Variants in VPS4B observed in about 807,000 individuals in gnomAD.
VPS4B encodes the protein vacuolar protein sorting-associated protein 4B.
A neutral mutation model predicts 56.1 loss-of-function variants in VPS4B; 23 were observed. That is an observed-to-expected ratio of 0.41 (90% CI 0.30 to 0.58). VPS4B has a LOEUF of 0.58. Ranked by LOEUF, VPS4B falls within the 20% of genes least tolerant of loss-of-function variation. The probability of loss-of-function intolerance (pLI) is 0.29; values close to 1 mark genes in which losing one functional copy is unlikely to be tolerated. For missense variants in VPS4B, 372 were observed against 531.9 expected, an observed-to-expected ratio of 0.70 and a Z score of 2.96; for synonymous variants, 177 against 186.0, an observed-to-expected ratio of 0.95 and a Z score of 0.39.
intron 10 of VPS4B, among the ~76,000 whole-genome samples, chr18:63,393,125 G>A (rs1383825824): frequency 6.6e-6 from 1 of 152,160 alleles, no homozygotes; most frequent in African/African-American, 2.4e-5. Flanking sequence ...TACTATATAT[G>A]AGCATTTTGG....
chr18:63,398,883 T>C (rs1248404026), intron 8 of VPS4B, among the ~76,000 whole-genome samples: 1 of 152,054 alleles, frequency 6.6e-6, no homozygotes, highest in Non-Finnish European at 1.5e-5. Context: ...ACTTATAGAA[T>C]TGCCATTTTG....
chr18:63,412,734 C>A (rs911141165), intron 1 of VPS4B, among the ~76,000 whole-genome samples: 5 of 152,098 alleles, frequency 3.3e-5, no homozygotes, highest in African/African-American at 1.2e-4. Context: ...ACTATGTCGA[C>A]CAAGCTAGCC....
At chr18:63,411,655 GTTTT>G in intron 1 of VPS4B, 77 bp from the exon 2 acceptor site, 1 of 751,676 alleles carries the variant, frequency 1.3e-6, no homozygotes, top group Non-Finnish European at 1.8e-6. Flanking sequence ...CATACTGAAA[GTTTT>G]TTTTTTTTTT....
rs1915746388 is a variant in VPS4B at position 63,398,852 on chromosome 18, T to G, written c.872+390A>C. Among the ~76,000 whole-genome samples the G allele has an allele frequency of 2.0e-5, 3 of 151,814 alleles. No homozygotes were observed. In the South Asian group the frequency reaches 6.2e-4, roughly 31 times the overall value. ...CCGACTCAAAAAAAAAAAAAAAATC[T>G]TACCTGGTTATCTTATTTTGACTTA... is the stretch of plus-strand genomic sequence containing the variant. On this transcript the variant is annotated intron_variant, in intron 8 of 10. Coordinates refer to ENST00000238497, the MANE Select transcript of VPS4B (RefSeq NM_004869.4).
chr18:63,389,914 AT>A lies in VPS4B; in HGVS notation c.*1060del, dbSNP rs994437393. The A allele has an allele frequency of 3.0e-4, 46 of 152,768 alleles. No homozygotes were observed. Among genetic ancestry groups the A allele is most frequent in the African/African-American group, 1.0e-3 (43 of 41,578 alleles). 9.5% of individuals were successfully genotyped at this position (152,768 alleles called of 1,614,324 possible). A position where few individuals can be genotyped will look rare whatever the true frequency, so the allele number is the denominator to read the frequency against. The stretch of plus-strand genomic sequence containing the variant: ...ACACACCTACCACCTGTTTTGGTCA[AT>A]CTTGCTAAAAAAGACACTGAAATAG... On this transcript the variant is annotated 3_prime_UTR_variant, in exon 11 of 11. Coordinates refer to ENST00000238497, the MANE Select transcript of VPS4B (RefSeq NM_004869.4).
intron 1 of VPS4B, among the ~76,000 whole-genome samples, chr18:63,413,125 A>C (rs1916082615): frequency 6.6e-6 from 1 of 152,178 alleles, no homozygotes; most frequent in Non-Finnish European, 1.5e-5. Context: ...CACACATAAA[A>C]ACACATAAGG....
rs373876300 is a variant in VPS4B, at chr18:63,405,824, C to CA, written c.364+1607dup. On this transcript the variant is annotated intron_variant, in intron 4 of 10. Coordinates refer to ENST00000238497, the MANE Select transcript of VPS4B (RefSeq NM_004869.4). The stretch of plus-strand genomic sequence containing the variant: ...ACAAACAAACAAACAAACAAACAAA[C>CA]AAAAAAAAAAACTTAGCCGGGCATG... 2.7e-3 allele frequency among the ~76,000 whole-genome samples: 387 copies of CA among 142,808 alleles called. 2 individuals are homozygous for CA. Among genetic ancestry groups the CA allele is most frequent in the African/African-American group, 8.0e-3 (319 of 39,818 alleles). The allele number at this position is 142,808 out of a possible 152,430, so 93.7% of individuals were successfully genotyped here. A position where few individuals can be genotyped will look rare whatever the true frequency, so the allele number is the denominator to read the frequency against.
At chr18:63,391,132 A>G in intron 10 of VPS4B, 56 bp from the exon 11 acceptor site, 1 of 1,168,678 alleles carries the variant, frequency 8.6e-7, no homozygotes, top group South Asian at 1.3e-5. Context: ...AACAAAATAA[A>G]AAACCGTCAT....
At chr18:63,391,508 C>T (rs1568081971) in intron 10 of VPS4B, among the ~76,000 whole-genome samples, 1 of 152,204 alleles carries the variant, frequency 6.6e-6, no homozygotes, top group Non-Finnish European at 1.5e-5. Context: ...GGATTACAGG[C>T]GTGGGCCCCT....
intron 9 of VPS4B, among the ~76,000 whole-genome samples, chr18:63,394,457 T>C (rs1430741817): frequency 1.3e-5 from 2 of 152,000 alleles, no homozygotes; most frequent in African/African-American, 2.4e-5. Context: ...CTGCATCAAC[T>C]TGGAGGCACT....
At chr18:63,417,801 CTG>C (rs984215568) in intron 1 of VPS4B, among the ~76,000 whole-genome samples, 8 of 152,228 alleles carry the variant, frequency 5.3e-5, no homozygotes, top group African/African-American at 1.9e-4. Flanking sequence ...GACTGAATGA[CTG>C]TGTCACCCCA....
intron 8 of VPS4B, among the ~76,000 whole-genome samples, chr18:63,398,793 C>A (rs1411793520): frequency 6.6e-6 from 1 of 150,988 alleles, no homozygotes; most frequent in African/African-American, 2.4e-5. Flanking sequence ...CGAGATCGCA[C>A]CACCGCACTC....
intron 5 of VPS4B, among the ~76,000 whole-genome samples, chr18:63,401,951 C>T (rs915943494): frequency 6.6e-6 from 1 of 152,022 alleles, no homozygotes; most frequent in Admixed American, 6.6e-5. Context: ...CGAGACCACG[C>T]CATTGCATTC....
chr18:63,398,716 T>C (rs1329794099), intron 8 of VPS4B, among the ~76,000 whole-genome samples: 7 of 151,482 alleles, frequency 4.6e-5, no homozygotes. Flanking sequence ...ATACCTGTAG[T>C]CCCAGCTACT....
chr18:63,405,111 G>A (rs932001684), intron 4 of VPS4B, among the ~76,000 whole-genome samples: 1 of 151,980 alleles, frequency 6.6e-6, no homozygotes, highest in Non-Finnish European at 1.5e-5. Context: ...ATACTTCTAA[G>A]TTAAAAGGTG....
intron 8 of VPS4B, among the ~76,000 whole-genome samples, chr18:63,398,171 A>G (rs980293359): frequency 6.8e-6 from 1 of 147,854 alleles, no homozygotes; most frequent in African/African-American, 2.6e-5. Context: ...ACATATATAC[A>G]TATACACATA....
intron 5 of VPS4B, among the ~76,000 whole-genome samples, chr18:63,402,406 C>T (rs1054838397): frequency 6.6e-6 from 1 of 152,088 alleles, no homozygotes; most frequent in Non-Finnish European, 1.5e-5. Flanking sequence ...GATGACCTCT[C>T]GGGAGGAATG....
chr18:63,391,200 C>T (rs1915540784), intron 10 of VPS4B, 124 bp from the exon 11 acceptor site: 2 of 652,746 alleles, frequency 3.1e-6, no homozygotes, highest in South Asian at 3.5e-5. Flanking sequence ...TTGCAGTCTG[C>T]CATAAGATAC....
At chr18:63,400,726 T>C (rs952245) in intron 5 of VPS4B, 23 bp from the exon 6 acceptor site, 750,656 of 1,587,634 alleles carry the variant, frequency 0.47, 185,422 homozygotes, top group East Asian at 0.85. Flanking sequence ...TTTAGAAAAA[T>C]GTCATGAGAA....
Sources: allele counts gnomAD v4.1 joint callset (sites outside exome capture counted in the v4.1 genomes callset), GRCh38; gene constraint gnomAD v4.1.1; transcripts MANE v1.5; gene names NCBI Gene and HGNC (gene_info 2026-07-23, HGNC 2026-07-21).